APOOL: variants seen among roughly 807,000 people sequenced by gnomAD.
The protein encoded by APOOL is MICOS complex subunit MIC27.
APOOL carries 12 observed loss-of-function variants against 23.1 expected under a neutral mutation model. The observed-to-expected ratio is 0.52, with a 90% CI of 0.33 to 0.84. The LOEUF (loss-of-function observed/expected upper bound fraction) is 0.84. APOOL is among the 40% of genes least tolerant of loss of function. The pLI is 0.02. For synonymous variants in APOOL, 77 were observed against 69.9 expected (o/e 1.10, Z -0.51); for missense variants, 212 against 199.6 (o/e 1.06, Z -0.37).
In APOOL at chrX:85,059,468, CGTT is replaced by C. The variant is rs1378617223; in HGVS notation, c.394+3545_394+3547del. Among the ~76,000 whole-genome samples the C allele has an allele frequency of 3.6e-5, 4 of 109,878 alleles. No individual in the cohort carries two copies. The East Asian group carries it at 1.2e-3, about 32-fold the overall frequency. ...GAATCGCCACACTGACTTCCACAAT[CGTT>C]GAACTAGTTTACAGTCCCACCAACA... On this transcript the variant is annotated intron_variant, in intron 5 of 8. Coordinates refer to ENST00000373173, the MANE Select transcript of APOOL (RefSeq NM_198450.6).
chrX:85,031,755 C>G (rs1251843364), intron 1 of APOOL, among the ~76,000 whole-genome samples: 1 of 111,796 alleles, frequency 8.9e-6, no homozygotes, highest in African/African-American at 3.3e-5. Flanking sequence ...ATTAATTTGG[C>G]TAGGGCCAGA....
chrX:85,005,149 A>AT (rs1185607424), intron 1 of APOOL, among the ~76,000 whole-genome samples: 2 of 108,712 alleles, frequency 1.8e-5, no homozygotes, highest in Non-Finnish European at 3.8e-5. Context: ...ATTTTATTTT[A>AT]TTTTTTATTT....
intron 8 of APOOL, among the ~76,000 whole-genome samples, chrX:85,077,140 G>A (rs1295340521): frequency 9.7e-6 from 1 of 102,762 alleles, no homozygotes; most frequent in Non-Finnish European, 2.0e-5. Flanking sequence ...AAGTTCTAGG[G>A]TACATGTGCA....
intron 6 of APOOL, among the ~76,000 whole-genome samples, chrX:85,067,639 C>CACACACACACACACACACACACAT (rs1556373887): frequency 9.3e-5 from 10 of 108,104 alleles, no homozygotes; most frequent in African/African-American, 3.0e-4. Flanking sequence ...CACACACACA[C>CACACACACACACACACACACACAT]ACACACACAC....
chrX:85,060,188 A>C (rs1287905776), intron 5 of APOOL, among the ~76,000 whole-genome samples: 3 of 105,705 alleles, frequency 2.8e-5, no homozygotes, highest in Non-Finnish European at 5.8e-5. Context: ...AGATAGTTGT[A>C]GATATGTGGC....
intron 5 of APOOL, among the ~76,000 whole-genome samples, chrX:85,059,238 T>C (rs1923094024): frequency 9.1e-6 from 1 of 110,358 alleles, no homozygotes; most frequent in Non-Finnish European, 1.9e-5. Context: ...TATTATTCCA[T>C]GGTATGTATG....
chrX:85,046,252 G>A (rs1408102799), intron 1 of APOOL, 194 bp from the exon 2 acceptor site: 5 of 351,529 alleles, frequency 1.4e-5, no homozygotes, highest in African/African-American at 1.3e-4. Flanking sequence ...TAAAAATAGT[G>A]CTCTGCCATC....
At chrX:85,055,369 A>G (rs1315441458) in intron 4 of APOOL, among the ~76,000 whole-genome samples, 1 of 111,719 alleles carries the variant, frequency 9.0e-6, no homozygotes, top group Non-Finnish European at 1.9e-5. Flanking sequence ...GAGTAGTGGC[A>G]AGCAAGGTCT....
chrX:85,023,023 T>C (rs1000541220), intron 1 of APOOL, among the ~76,000 whole-genome samples: 2 of 111,592 alleles, frequency 1.8e-5, no homozygotes, highest in African/African-American at 6.5e-5. Flanking sequence ...TCTCTCTTGC[T>C]TCCTCTCTTG....
At chrX:85,053,841 T>G (rs1420003586) in intron 3 of APOOL, among the ~76,000 whole-genome samples, 1 of 111,700 alleles carries the variant, frequency 9.0e-6, no homozygotes, top group Non-Finnish European at 1.9e-5. Flanking sequence ...GGATGATTTC[T>G]GTCCTGAGGT....
chrX:85,070,047 A>C (rs1486487840), intron 6 of APOOL, among the ~76,000 whole-genome samples: 1 of 112,139 alleles, frequency 8.9e-6, no homozygotes, highest in African/African-American at 3.2e-5. Flanking sequence ...AAAGGAACTT[A>C]ATAAGCATAC....
intron 1 of APOOL, among the ~76,000 whole-genome samples, chrX:85,020,148 C>T (rs1921611699): frequency 8.9e-6 from 1 of 111,836 alleles, no homozygotes; most frequent in Non-Finnish European, 1.9e-5. Context: ...AACCCTGACT[C>T]AGAGAAAAGC....
intron 2 of APOOL, among the ~76,000 whole-genome samples, chrX:85,050,681 ATGTT>A (rs1362389007): frequency 9.1e-6 from 1 of 109,322 alleles, no homozygotes; most frequent in Non-Finnish European, 1.9e-5. Context: ...TCTTTTGTGT[ATGTT>A]TGTTTTTATT....
At chrX:85,004,124 C>G (rs1324404462) in intron 1 of APOOL, among the ~76,000 whole-genome samples, 197 bp downstream of exon 1, 3 of 111,575 alleles carry the variant, frequency 2.7e-5, no homozygotes, top group African/African-American at 9.8e-5. Context: ...CAGCCTGGGA[C>G]GCTGCTCCCT....
intron 5 of APOOL, 95 bp from the exon 6 acceptor site, chrX:85,067,032 G>T: frequency 1.9e-6 from 1 of 526,448 alleles, no homozygotes. Flanking sequence ...GAGGGTGATG[G>T]CTTACCAGGA....
At chrX:85,068,412 C>CTT (rs1209497843) in intron 6 of APOOL, among the ~76,000 whole-genome samples, 1 of 66,414 alleles carries the variant, frequency 1.5e-5, no homozygotes, top group African/African-American at 5.5e-5. Flanking sequence ...TTTTTTTTTT[C>CTT]TTTTTTTTTT....
intron 1 of APOOL, among the ~76,000 whole-genome samples, chrX:85,006,410 A>G (rs1002739878): frequency 9.0e-6 from 1 of 111,486 alleles, no homozygotes; most frequent in African/African-American, 3.3e-5. Flanking sequence ...AGGTTCAAAC[A>G]GTATATTTAT....
At chrX:85,060,762 A>G (rs1923181315) in intron 5 of APOOL, among the ~76,000 whole-genome samples, 1 of 111,774 alleles carries the variant, frequency 8.9e-6, no homozygotes, top group Admixed American at 9.6e-5. Context: ...GTTGCGTATC[A>G]GCTTTAGGAG....
At chrX:85,086,305 C>T (rs779257838) in intron 8 of APOOL, among the ~76,000 whole-genome samples, 204 of 111,808 alleles carry the variant, frequency 1.8e-3, no homozygotes, top group Non-Finnish European at 3.0e-3. Flanking sequence ...TCTCCTAACC[C>T]TCTTAACATC....
Sources: allele counts gnomAD v4.1 joint callset (sites outside exome capture counted in the v4.1 genomes callset), GRCh38; gene constraint gnomAD v4.1.1; transcripts MANE v1.5; gene names NCBI Gene and HGNC (gene_info 2026-07-23, HGNC 2026-07-21).